MAGI3: variants seen among roughly 807,000 people sequenced by gnomAD.
MAGI3 encodes membrane-associated guanylate kinase, WW and PDZ domain-containing protein 3.
Under a neutral mutation model 121.8 loss-of-function variants are expected in MAGI3, and 43 were observed. The ratio of observed to expected loss-of-function variants is 0.35; its 90% CI spans 0.28 to 0.46. MAGI3 has a LOEUF of 0.46. Among genes scored for constraint, MAGI3 ranks in the 20% least tolerant of loss-of-function variants. The pLI is 1.00. For missense variants in MAGI3, 1,547 were observed against 1,797.3 expected (o/e 0.86, Z 2.52); for synonymous variants, 553 against 639.3 (o/e 0.86, Z 2.04).
At chr1:113,473,407 C>A (rs1410301108) in intron 1 of MAGI3, among the ~76,000 whole-genome samples, 1 of 149,374 alleles carries the variant, frequency 6.7e-6, no homozygotes, top group Non-Finnish European at 1.5e-5. Context: ...AATGCTATCC[C>A]TCCCCCAGCC....
intron 1 of MAGI3, among the ~76,000 whole-genome samples, chr1:113,416,437 TTA>T (rs1397011180): frequency 2.0e-5 from 2 of 100,510 alleles, no homozygotes; most frequent in Non-Finnish European, 3.7e-5. Context: ...TATATATTAA[TTA>T]TATATGATTT....
At chr1:113,493,089 C>A (rs936939704) in intron 1 of MAGI3, among the ~76,000 whole-genome samples, 3 of 152,048 alleles carry the variant, frequency 2.0e-5, no homozygotes, top group African/African-American at 7.2e-5. Context: ...CCAAGGTGAT[C>A]CTAATCAAAA....
rs139215053 is a variant in MAGI3 at position 113,672,693 on chromosome 1, A to G, written c.2997A>G (p.Ala999=). The part of the protein sequence containing the change: ...RHSWSDHKHL[A]QPDTAVISVV... ...CTTGGTCAGACCACAAGCACCTTGC[A>G]CAGCCTGACACCGCAGTAATTTCAG... The change falls in exon 18 of 21, where the codon GCA becomes GCG. Residue 999 remains alanine, a synonymous_variant. Transcript: ENST00000307546. 10 of 1,613,948 alleles carry G rather than the reference A, an allele frequency of 6.2e-6. No individual in the cohort carries two copies. The African/African-American group carries it at 1.3e-4, about 22-fold the overall frequency.
intron 1 of MAGI3, among the ~76,000 whole-genome samples, chr1:113,397,497 A>G (rs1651179016): frequency 6.6e-6 from 1 of 152,190 alleles, no homozygotes; most frequent in Non-Finnish European, 1.5e-5. Flanking sequence ...AAAACGTTCC[A>G]TACAGAAAGG....
chr1:113,682,605 G>A, intron 20 of MAGI3: 1 of 984,412 alleles, frequency 1.0e-6, no homozygotes. Flanking sequence ...AGTTCTAATT[G>A]GGCTTTACTA....
intron 1 of MAGI3, among the ~76,000 whole-genome samples, chr1:113,469,509 A>G (rs1285092469): frequency 6.6e-6 from 1 of 151,978 alleles, no homozygotes; most frequent in Admixed American, 6.6e-5. Flanking sequence ...TCAGCAAGCA[A>G]AGTCTTTTTT....
intron 1 of MAGI3, among the ~76,000 whole-genome samples, chr1:113,479,437 T>C (rs1224716211): frequency 6.6e-6 from 1 of 152,204 alleles, no homozygotes; most frequent in Admixed American, 6.5e-5. Context: ...CATTCTCTCC[T>C]GGCATGCAAA....
chr1:113,416,418 A>ATAT (rs369755376), intron 1 of MAGI3, among the ~76,000 whole-genome samples: 3 of 116,864 alleles, frequency 2.6e-5, no homozygotes, highest in Non-Finnish European at 3.5e-5. Flanking sequence ...AATAATTAAT[A>ATAT]ATTAATAATA....
At chr1:113,436,295 T>C (rs1653562539) in intron 1 of MAGI3, among the ~76,000 whole-genome samples, 1 of 151,904 alleles carries the variant, frequency 6.6e-6, no homozygotes, top group African/African-American at 2.4e-5. Context: ...GTAATTGCCT[T>C]CTCTCTCTCT....
chr1:113,625,837 A>G (rs1359785663), intron 9 of MAGI3, among the ~76,000 whole-genome samples: 2 of 152,138 alleles, frequency 1.3e-5, no homozygotes, highest in Non-Finnish European at 2.9e-5. Context: ...TCTGTTGTAT[A>G]TATGGCTTTT....
chr1:113,441,605 AAC>A (rs1190557716), intron 1 of MAGI3, among the ~76,000 whole-genome samples: 1 of 152,158 alleles, frequency 6.6e-6, no homozygotes, highest in Non-Finnish European at 1.5e-5. Context: ...TTTGAAAACA[AAC>A]ATTCAGAGTA....
chr1:113,582,399 C>T (rs1205939035), intron 3 of MAGI3, among the ~76,000 whole-genome samples: 1 of 151,972 alleles, frequency 6.6e-6, no homozygotes, highest in Non-Finnish European at 1.5e-5. Flanking sequence ...GAATGAATAA[C>T]ATACATTTTA....
chr1:113,533,120 G>T (rs1658803667), intron 1 of MAGI3, among the ~76,000 whole-genome samples: 1 of 152,078 alleles, frequency 6.6e-6, no homozygotes, highest in South Asian at 2.1e-4. Context: ...ATTAGTATTT[G>T]CCTACAGCAG....
rs928705832 is a variant in MAGI3 at position 113,640,193 on chromosome 1, C to T, written c.1361-1718C>T. On this transcript the variant is annotated intron_variant, in intron 9 of 20. Coordinates refer to ENST00000307546, the MANE Select transcript of MAGI3 (RefSeq NM_001142782.2). Reference sequence around the variant, plus strand: ...AATGACAGTGAGATATCATCTTACGCCAGTCAGAATGGTGATTATTAAAAA... The same window carrying T: ...AATGACAGTGAGATATCATCTTACGTCAGTCAGAATGGTGATTATTAAAAA... Among the ~76,000 whole-genome samples, 8 of 151,750 alleles carry T rather than the reference C, an allele frequency of 5.3e-5. No individual in the cohort carries two copies. In the South Asian group the frequency reaches 1.0e-3, roughly 20 times the overall value.
intron 1 of MAGI3, chr1:113,450,710 G>A (rs1329683426): frequency 2.7e-6 from 3 of 1,121,870 alleles, no homozygotes; most frequent in Non-Finnish European, 1.4e-6. Context: ...TGGAAGTGGT[G>A]GATATGGTAG....
intron 4 of MAGI3, among the ~76,000 whole-genome samples, chr1:113,586,242 A>T (rs956714145): frequency 1.3e-5 from 2 of 152,232 alleles, no homozygotes; most frequent in African/African-American, 4.8e-5. Flanking sequence ...AATGGTATTC[A>T]TTGCAAAAAT....
At chr1:113,582,419 T>C (rs1648095246) in intron 3 of MAGI3, among the ~76,000 whole-genome samples, 4 of 152,052 alleles carry the variant, frequency 2.6e-5, no homozygotes, top group Non-Finnish European at 5.9e-5. Flanking sequence ...AATTTGTTCA[T>C]AAAAATGGAC....
At chr1:113,661,218 A>G (rs1436341770) in intron 16 of MAGI3, among the ~76,000 whole-genome samples, 1 of 152,172 alleles carries the variant, frequency 6.6e-6, no homozygotes, top group Non-Finnish European at 1.5e-5. Context: ...TGCTCATCTA[A>G]TATCATTATT....
At position 113,642,496 on chromosome 1, in the gene MAGI3, C is replaced by T; in HGVS notation, c.1946C>T (p.Pro649Leu). Residue 649 changes from proline to leucine, a missense_variant, in exon 10 of 21, where the codon CCA (proline) becomes CTA (leucine). By Grantham distance (98) the Pro-to-Leu change is moderately conservative. Coordinates refer to ENST00000307546, the MANE Select transcript of MAGI3 (RefSeq NM_001142782.2). ...CAGTTTCCAGTAGGTGCTGATGTAC[C>T]ATTGCTTATCTTAAGAGGAGGTAAG... ...LKQFPVGADV[P>L]LLILRGGPPS... 6.2e-7 allele frequency: 1 copy of T among 1,611,506 alleles called. No individual in the cohort carries two copies. Among genetic ancestry groups the T allele is most frequent in the Non-Finnish European group, 8.5e-7 (1 of 1,178,212 alleles).
Sources: allele counts gnomAD v4.1 joint callset (sites outside exome capture counted in the v4.1 genomes callset), GRCh38; gene constraint gnomAD v4.1.1; transcripts MANE v1.5; gene names NCBI Gene and HGNC (gene_info 2026-07-23, HGNC 2026-07-21).